Variants in GRB10 observed in about 807,000 individuals in gnomAD.
The protein encoded by GRB10 is growth factor receptor bound protein 10.
Under a neutral mutation model 80.9 loss-of-function variants are expected in GRB10, and 20 were observed. That is an observed-to-expected ratio of 0.25 (90% CI 0.17 to 0.36). The LOEUF is 0.36. GRB10 is among the 10% of genes least tolerant of loss of function. GRB10 has a pLI of 1.00. For synonymous variants in GRB10, 291 were observed against 291.5 expected, an observed-to-expected ratio of 1.00 and a Z score of 0.02; for missense variants, 548 against 747.7, an observed-to-expected ratio of 0.73 and a Z score of 3.12.
chr7:50,636,120 G>C (rs1402888344), intron 7 of GRB10, among the ~76,000 whole-genome samples: 1 of 151,890 alleles, frequency 6.6e-6, no homozygotes, highest in Non-Finnish European at 1.5e-5. Context: ...TGGGACTACA[G>C]GCACGTGCCA....
intron 7 of GRB10, among the ~76,000 whole-genome samples, chr7:50,656,780 C>T (rs759100388): frequency 5.9e-5 from 9 of 152,314 alleles, no homozygotes; most frequent in African/African-American, 1.2e-4. Context: ...GGTCAGGGCT[C>T]GGAAGTCCCG....
At chr7:50,752,456 T>C (rs2074276062) in intron 3 of GRB10, among the ~76,000 whole-genome samples, 1 of 152,238 alleles carries the variant, frequency 6.6e-6, no homozygotes, top group Non-Finnish European at 1.5e-5. Context: ...GTGAAAGGCA[T>C]ACCATTCTTG....
chr7:50,642,694 G>A (rs1466268298), intron 7 of GRB10, among the ~76,000 whole-genome samples: 9 of 152,004 alleles, frequency 5.9e-5, no homozygotes, highest in South Asian at 2.1e-4. Context: ...AAAAAAATCC[G>A]AACTCTGAAA....
rs1362088202 is a variant in GRB10, at chr7:50,660,333, G to A, written c.504+9389C>T. ...GCAGCCGTGGTGCTGCATTCATGCA[G>A]GAAGGGAGGTAGGGCACAGCCATGG... On this transcript the variant is annotated intron_variant, in intron 7 of 18. Coordinates refer to ENST00000401949, the MANE Select transcript of GRB10 (RefSeq NM_001350814.2). 9.2e-5 allele frequency among the ~76,000 whole-genome samples: 14 copies of A among 152,170 alleles called. No homozygotes were observed. The South Asian group carries it at 1.2e-3, about 14-fold the overall frequency.
Position 50,626,683 on chromosome 7 carries a change from A to G in GRB10, c.661+139T>C, listed in dbSNP as rs903332207. ...AGTGAAATTTTAGGAGAAACAGGAG[A>G]GTCGAGGGGAACCCAGAGACTGCCT... On this transcript the variant is annotated intron_variant, in intron 8 of 18. Transcript: ENST00000401949. The G allele has an allele frequency of 4.5e-6, 4 of 897,986 alleles. No homozygotes were observed. The African/African-American group carries it at 6.5e-5, about 15-fold the overall frequency. The allele number at this position is 897,986 out of a possible 1,614,324, so 55.6% of individuals were successfully genotyped here.
At chr7:50,608,182 A>T (rs1484905885) in intron 13 of GRB10, among the ~76,000 whole-genome samples, 1 of 152,236 alleles carries the variant, frequency 6.6e-6, no homozygotes, top group African/African-American at 2.4e-5. Context: ...TCATGGAAAA[A>T]TTGCTGAGAA....
At chr7:50,704,599 T>A (rs1001550350) in intron 4 of GRB10, among the ~76,000 whole-genome samples, 32 of 152,226 alleles carry the variant, frequency 2.1e-4, no homozygotes, top group African/African-American at 7.5e-4. Context: ...TATGTACCAC[T>A]ACTGTAATTA....
intron 4 of GRB10, among the ~76,000 whole-genome samples, chr7:50,712,730 T>C (rs577783250): frequency 2.7e-4 from 41 of 152,358 alleles, no homozygotes; most frequent in Non-Finnish European, 5.6e-4. Context: ...TGCCTCACTT[T>C]AACCACCCAC....
At chr7:50,774,747 A>G (rs73697739) in intron 2 of GRB10, among the ~76,000 whole-genome samples, 21,684 of 152,124 alleles carry the variant, frequency 0.14, 5,210 homozygotes, top group African/African-American at 0.49. Context: ...CCATCCCAAT[A>G]GCCCCAATGT....
In GRB10 at chr7:50,782,058, G is replaced by C. The variant is rs2078339710; in HGVS notation, c.-327+366C>G. Among the ~76,000 whole-genome samples the C allele has an allele frequency of 6.6e-6, 1 of 152,174 alleles. No homozygotes were observed. The highest frequency in any genetic ancestry group is 2.4e-5 in the African/African-American group (1 of 41,446). ...CCAGATCCACTCATTTCCCAAACCG[G>C]TTCCCACACCCGCTGCCCACCACCT... is the stretch of plus-strand genomic sequence containing the variant. On this transcript the variant is annotated intron_variant, in intron 1 of 18. Coordinates refer to ENST00000401949, the MANE Select transcript of GRB10 (RefSeq NM_001350814.2). The surrounding 1 kb of genome is among the most constrained non-coding windows in gnomAD (Gnocchi z 6.6).
intron 4 of GRB10, chr7:50,726,096 G>A (rs1185552202): frequency 6.6e-6 from 1 of 152,172 alleles, no homozygotes; most frequent in Non-Finnish European, 1.5e-5. Context: ...ACCAGAGAGA[G>A]GATAAAAATA....
At chr7:50,789,841 T>A (rs1196907578) in intron 1 of GRB10, among the ~76,000 whole-genome samples, 1 of 152,222 alleles carries the variant, frequency 6.6e-6, no homozygotes, top group African/African-American at 2.4e-5. Flanking sequence ...TTATTTTTGA[T>A]AACCCCAGGA....
At chr7:50,689,050 C>T (rs921785057) in intron 5 of GRB10, among the ~76,000 whole-genome samples, 1 of 152,148 alleles carries the variant, frequency 6.6e-6, no homozygotes, top group African/African-American at 2.4e-5. Flanking sequence ...CATCTCTCTC[C>T]GAAACCACTC....
chr7:50,754,717 G>C (rs1014448680), intron 3 of GRB10, among the ~76,000 whole-genome samples: 5 of 152,206 alleles, frequency 3.3e-5, no homozygotes, highest in African/African-American at 1.2e-4. Flanking sequence ...GTGGATATGA[G>C]GGAAGGTGAC....
intron 7 of GRB10, among the ~76,000 whole-genome samples, chr7:50,644,338 C>T (rs1341554530): frequency 3.3e-5 from 5 of 152,102 alleles, no homozygotes; most frequent in Non-Finnish European, 5.9e-5. Context: ...AGTCCATGCC[C>T]GAGCTCTTTA....
At chr7:50,656,311 A>G (rs1382061218) in intron 7 of GRB10, among the ~76,000 whole-genome samples, 2 of 152,130 alleles carry the variant, frequency 1.3e-5, no homozygotes, top group Non-Finnish European at 2.9e-5. Context: ...GATCCTGTGG[A>G]CTTGAGACCA....
At chr7:50,746,165 C>T (rs773683240) in intron 3 of GRB10, among the ~76,000 whole-genome samples, 2 of 152,136 alleles carry the variant, frequency 1.3e-5, no homozygotes, top group Non-Finnish European at 2.9e-5. Flanking sequence ...GATTTTTCAT[C>T]TTTATGATGA....
chr7:50,718,825 G>A (rs565215904), intron 4 of GRB10, among the ~76,000 whole-genome samples: 1 of 152,236 alleles, frequency 6.6e-6, no homozygotes, highest in South Asian at 2.1e-4. Context: ...GAGGGGTCCT[G>A]CAATTACTGT....
intron 7 of GRB10, among the ~76,000 whole-genome samples, chr7:50,641,436 C>A (rs1336656021): frequency 6.6e-6 from 1 of 152,160 alleles, no homozygotes; most frequent in Non-Finnish European, 1.5e-5. Context: ...GCAAGTTTCC[C>A]TGAAGGGCAT....
Sources: allele counts gnomAD v4.1 joint callset (sites outside exome capture counted in the v4.1 genomes callset), GRCh38; gene constraint gnomAD v4.1.1; non-coding constraint Gnocchi (gnomAD v3.1); transcripts MANE v1.5; gene names NCBI Gene and HGNC (gene_info 2026-07-23, HGNC 2026-07-21).